Variants in UBE3B observed in about 807,000 individuals in gnomAD.
The protein encoded by UBE3B is ubiquitin-protein ligase E3B.
In UBE3B, 80 loss-of-function variants were observed where a neutral mutation model predicts 132.3. The observed-to-expected ratio is 0.60, with a 90% CI of 0.50 to 0.73. UBE3B has a LOEUF of 0.73. UBE3B is among the 30% of genes least tolerant of loss of function. UBE3B has a pLI of 0.00. For missense variants in UBE3B, 1,196 were observed against 1,362.5 expected, an observed-to-expected ratio of 0.88 and a Z score of 1.92; for synonymous variants, 487 against 520.4, an observed-to-expected ratio of 0.94 and a Z score of 0.87.
At chr12:109,491,436 A>T (rs1477179810) in intron 9 of UBE3B, 1 of 242,884 alleles carries the variant, frequency 4.1e-6, no homozygotes, top group Admixed American at 5.3e-5. Flanking sequence ...TGAAGTTTTA[A>T]TTGACAAAAC....
At position 109,524,101 on chromosome 12, in the gene UBE3B, C is replaced by T. The variant is rs1236663176; in HGVS notation, c.2488C>T (p.Leu830Phe). Residue 830 changes from leucine to phenylalanine, a missense_variant, in exon 22 of 28, where the codon CTC (leucine) becomes TTC (phenylalanine). Leu to Phe is a conservative substitution (Grantham distance 22, BLOSUM62 0). Coordinates refer to ENST00000342494, the MANE Select transcript of UBE3B (RefSeq NM_130466.4). ...PSLDSEFYKN[L>F]TSIKRYDGDI... The stretch of plus-strand genomic sequence containing the variant: ...TCTGGACTCCGAGTTCTATAAAAAC[C>T]TCACCTCCATCAAGGTGAGCATGGA... 5.6e-6 allele frequency: 9 copies of T among 1,614,178 alleles called. No homozygotes were observed. Among genetic ancestry groups the T allele is most frequent in the Non-Finnish European group, 7.6e-6 (9 of 1,180,032 alleles).
downstream of UBE3B, among the ~76,000 whole-genome samples, chr12:109,537,621 G>A (rs779665594): frequency 8.5e-5 from 13 of 152,202 alleles, no homozygotes; most frequent in South Asian, 2.1e-4. Context: ...GTAACCACCT[G>A]CCTCCCCAAA....
intron 19 of UBE3B, chr12:109,520,188 G>A (rs1346343773): frequency 6.6e-6 from 1 of 152,174 alleles, no homozygotes; most frequent in Admixed American, 6.5e-5. Context: ...CTGGTGATTG[G>A]GCCTCTCAAG....
rs1342392588 is a variant in UBE3B, at chr12:109,497,894, G to A, written c.790G>A (p.Val264Met). 1 of 1,614,136 alleles carries A rather than the reference G, an allele frequency of 6.2e-7. No homozygotes were observed. The highest frequency in any genetic ancestry group is 1.1e-5 in the South Asian group (1 of 91,076). The change falls in exon 10 of 28, where the codon GTG becomes ATG. Residue 264 changes from valine to methionine, a missense_variant. Val to Met is a conservative substitution (Grantham distance 21, BLOSUM62 1). Transcript: ENST00000342494. ...LIHIMSVPAL[V>M]THLSTVTPER... ...CCACATCATGTCTGTGCCTGCTCTGGTGACTCATCTCAGCACAGTGACCCC... is the reference window on the plus strand; with the variant it reads ...CCACATCATGTCTGTGCCTGCTCTGATGACTCATCTCAGCACAGTGACCCC...
chr12:109,523,080 A>G (rs886958901), intron 21 of UBE3B, among the ~76,000 whole-genome samples: 3 of 152,106 alleles, frequency 2.0e-5, no homozygotes, highest in South Asian at 2.1e-4. Context: ...TGCTGACGAG[A>G]GAAGATGGGA....
downstream of UBE3B, among the ~76,000 whole-genome samples, chr12:109,540,531 A>C (rs1311707013): frequency 6.6e-6 from 1 of 152,196 alleles, no homozygotes; most frequent in East Asian, 1.9e-4. Flanking sequence ...GTGCAGGGTT[A>C]CCAGTCAGGC....
chr12:109,509,948 C>T (rs113541228), intron 16 of UBE3B, among the ~76,000 whole-genome samples: 4 of 152,136 alleles, frequency 2.6e-5, no homozygotes, highest in African/African-American at 9.7e-5. Context: ...ATGTATGTGT[C>T]GAGGATTATT....
Position 109,522,793 on chromosome 12 carries a change from C to A in UBE3B, c.2365-1185C>A, listed in dbSNP as rs1881866858. 6.6e-6 allele frequency among the ~76,000 whole-genome samples: 1 copy of A among 152,254 alleles called. No individual in the cohort carries two copies. Among genetic ancestry groups the A allele is most frequent in the Admixed American group, 6.5e-5 (1 of 15,292 alleles). ...ACCATCCAGTCTTCCTTGTGCCCTC[C>A]AGTGATTTGGGTCCTGGGCCCATTC... On this transcript the variant is annotated intron_variant, in intron 21 of 27. Transcript: ENST00000342494. This position sits in a 1 kb window ranked among gnomAD's most constrained non-coding sequence, Gnocchi z 4.2.
At chr12:109,511,336 T>G (rs1880347742) in intron 18 of UBE3B, 33 bp downstream of exon 18, 2 of 1,596,152 alleles carry the variant, frequency 1.3e-6, no homozygotes, top group South Asian at 2.2e-5. Context: ...CCCCGATGTG[T>G]CTTTCTATTC....
chr12:109,533,610 G>A (rs1298098425), intron 27 of UBE3B, 52 bp downstream of exon 27: 2 of 1,510,008 alleles, frequency 1.3e-6, no homozygotes, highest in Admixed American at 1.7e-5. Context: ...CTTGGTGGTT[G>A]TCTGCTGTGC....
At chr12:109,515,210 G>C (rs986437837) in intron 18 of UBE3B, among the ~76,000 whole-genome samples, 6 of 151,472 alleles carry the variant, frequency 4.0e-5, no homozygotes, top group Admixed American at 6.6e-5. Flanking sequence ...ACCGCGACTG[G>C]CCCATCCCCT....
At chr12:109,505,800 A>G (rs2135956377) in intron 14 of UBE3B, among the ~76,000 whole-genome samples, 1 of 152,288 alleles carries the variant, frequency 6.6e-6, no homozygotes, top group Admixed American at 6.5e-5. Flanking sequence ...GCTCTGATGG[A>G]GTTCCCCCAA....
chr12:109,479,303 C>T (rs572453418), intron 1 of UBE3B, among the ~76,000 whole-genome samples: 20 of 152,204 alleles, frequency 1.3e-4, no homozygotes, highest in Non-Finnish European at 2.4e-4. Flanking sequence ...TTTTAGATAT[C>T]CTATATTAAT....
At chr12:109,487,793 T>C (rs1876768430) in intron 6 of UBE3B, among the ~76,000 whole-genome samples, 1 of 152,222 alleles carries the variant, frequency 6.6e-6, no homozygotes, top group Non-Finnish European at 1.5e-5. Flanking sequence ...GTCCTGATTC[T>C]GCTGTTCATT....
At chr12:109,533,652 C>T in intron 27 of UBE3B, 94 bp downstream of exon 27, 1 of 1,235,488 alleles carries the variant, frequency 8.1e-7, no homozygotes, top group Non-Finnish European at 1.2e-6. Flanking sequence ...TAGTCCATAT[C>T]TCAGCAAGGC....
chr12:109,490,372 T>C lies in UBE3B; in HGVS notation c.630+368T>C, dbSNP rs551715435. 3.2e-5 allele frequency: 48 copies of C among 1,490,356 alleles called. No homozygotes were observed. In the Admixed American group the frequency reaches 6.8e-4, roughly 21 times the overall value. 92.3% of individuals were successfully genotyped at this position (1,490,356 alleles called of 1,614,324 possible). On this transcript the variant is annotated intron_variant, in intron 8 of 27. Coordinates refer to ENST00000342494, the MANE Select transcript of UBE3B (RefSeq NM_130466.4). ...CAAACAGCCCTTTCCACTTTGTACCTTGTTGTGCCAGATCATACCTCTAGG... is the reference window on the plus strand; with the variant it reads ...CAAACAGCCCTTTCCACTTTGTACCCTGTTGTGCCAGATCATACCTCTAGG...
At chr12:109,487,848 A>G (rs1876778160) in intron 6 of UBE3B, among the ~76,000 whole-genome samples, 1 of 152,126 alleles carries the variant, frequency 6.6e-6, no homozygotes, top group Non-Finnish European at 1.5e-5. Context: ...CTTACTGTCG[A>G]TGAGCTTTGA....
At chr12:109,487,148 C>T (rs1365615652) in intron 6 of UBE3B, among the ~76,000 whole-genome samples, 1 of 152,128 alleles carries the variant, frequency 6.6e-6, no homozygotes, top group Non-Finnish European at 1.5e-5. Flanking sequence ...GGCCTCCCGA[C>T]CAGTTCAAAA....
At chr12:109,542,764 C>T in the UBE3B span, among the ~76,000 whole-genome samples, 12 of 152,338 alleles carry the variant, frequency 7.9e-5, no homozygotes, top group African/African-American at 2.4e-4. Context: ...TTCTCCTTCA[C>T]AGCCTGGAGA....
Sources: gnomAD v4.1 joint callset for allele counts (sites outside exome capture counted in the v4.1 genomes callset) on GRCh38, gnomAD v4.1.1 for gene constraint, Gnocchi (gnomAD v3.1) non-coding constraint, MANE v1.5 for transcripts, NCBI Gene and HGNC (gene_info 2026-07-23, HGNC 2026-07-21) for gene names.